The following SPIDR variants were observed in gnomAD, a reference collection of about 807,000 sequenced individuals.
SPIDR encodes scaffold protein involved in DNA repair.
Under a neutral mutation model 104.6 loss-of-function variants are expected in SPIDR, and 93 were observed. That is an observed-to-expected ratio of 0.89 (90% CI 0.75 to 1.06). SPIDR has a LOEUF of 1.06. Among genes scored for constraint, SPIDR ranks in the 50% least tolerant of loss-of-function variants. SPIDR has a pLI of 0.00. For missense variants in SPIDR, 1,154 were observed against 1,111.2 expected, an observed-to-expected ratio of 1.04 and a Z score of -0.55; for synonymous variants, 431 against 416.9, an observed-to-expected ratio of 1.03 and a Z score of -0.41.
At chr8:47,462,147 G>C (rs1319472170) in intron 8 of SPIDR, among the ~76,000 whole-genome samples, 1 of 152,110 alleles carries the variant, frequency 6.6e-6, no homozygotes, top group Non-Finnish European at 1.5e-5. Context: ...TAGGGATGTG[G>C]CTTCCTGAGA....
chr8:47,324,428 G>C (rs2047317525), intron 5 of SPIDR, among the ~76,000 whole-genome samples: 1 of 151,032 alleles, frequency 6.6e-6, no homozygotes, highest in African/African-American at 2.4e-5. Context: ...TAAATAAACA[G>C]CATCTTTAAC....
chr8:47,277,669 CTTTTTTTTTTT>C (rs1209041690), intron 1 of SPIDR, among the ~76,000 whole-genome samples: 1 of 110,506 alleles, frequency 9.0e-6, no homozygotes, highest in African/African-American at 3.5e-5. Flanking sequence ...TGTTTAACCT[CTTTTTTTTTTT>C]TTTTTTTTTT....
chr8:47,326,241 T>G (rs1554600305), intron 5 of SPIDR, among the ~76,000 whole-genome samples: 1 of 152,184 alleles, frequency 6.6e-6, no homozygotes. Context: ...TCTGAAATTC[T>G]TGAGCTCAAG....
rs1358701760 is a variant in SPIDR, at chr8:47,736,150, T to A, written c.*700T>A. ...CGGATATTTGCTTTGCTGGCAAAGA[T>A]TTAAACCAAGAATTAATTATCTTTG... On this transcript the variant is annotated 3_prime_UTR_variant, in exon 20 of 20. Transcript: ENST00000297423. The A allele has an allele frequency of 1.3e-5, 2 of 154,226 alleles. No homozygotes were observed. The highest frequency in any genetic ancestry group is 2.9e-5 in the Non-Finnish European group (2 of 69,310). 9.6% of individuals were successfully genotyped at this position (154,226 alleles called of 1,614,324 possible).
At chr8:47,520,262 G>T (rs1453689115) in intron 8 of SPIDR, among the ~76,000 whole-genome samples, 1 of 152,138 alleles carries the variant, frequency 6.6e-6, no homozygotes, top group African/African-American at 2.4e-5. Context: ...CTCATTAAAT[G>T]ATCCCCCAGC....
At position 47,263,216 on chromosome 8, in the gene SPIDR, C is replaced by A. The variant is rs529488809; in HGVS notation, c.33+2225C>A. Among the ~76,000 whole-genome samples the A allele has an allele frequency of 2.0e-5, 3 of 152,316 alleles. No individual in the cohort carries two copies. In the South Asian group the frequency reaches 6.2e-4, roughly 32 times the overall value. On this transcript the variant is annotated intron_variant, in intron 1 of 19. Coordinates refer to ENST00000297423, the MANE Select transcript of SPIDR (RefSeq NM_001080394.4). Reference sequence around the variant, plus strand: ...ACCTTGCTTTTGTTCAGGCTCTCAGCCTGTTATTCACAGCCTCCATAATAT... The same window carrying A: ...ACCTTGCTTTTGTTCAGGCTCTCAGACTGTTATTCACAGCCTCCATAATAT...
intron 10 of SPIDR, among the ~76,000 whole-genome samples, chr8:47,619,533 C>T (rs902691920): frequency 1.3e-5 from 2 of 152,192 alleles, no homozygotes; most frequent in South Asian, 4.2e-4. Flanking sequence ...CTGACGCTTC[C>T]TCTCAGGGTC....
At chr8:47,308,705 C>G (rs1554583004) in intron 5 of SPIDR, among the ~76,000 whole-genome samples, 1 of 152,194 alleles carries the variant, frequency 6.6e-6, no homozygotes, top group Non-Finnish European at 1.5e-5. Context: ...GTGTGTCCAC[C>G]TCTTTGTCCC....
intron 5 of SPIDR, among the ~76,000 whole-genome samples, chr8:47,395,196 A>G (rs910028994): frequency 1.3e-5 from 2 of 152,070 alleles, no homozygotes; most frequent in Non-Finnish European, 2.9e-5. Context: ...TAAATGTACA[A>G]AAATTAGCTG....
chr8:47,619,795 G>T (rs982337336), intron 10 of SPIDR, among the ~76,000 whole-genome samples: 8 of 151,648 alleles, frequency 5.3e-5, no homozygotes, highest in Admixed American at 2.6e-4. Flanking sequence ...TTCTCCTCTG[G>T]CTCTTTAATG....
At chr8:47,493,553 A>T (rs971234441) in intron 8 of SPIDR, among the ~76,000 whole-genome samples, 1 of 152,176 alleles carries the variant, frequency 6.6e-6, no homozygotes, top group African/African-American at 2.4e-5. Context: ...TTTCAGTAAC[A>T]CCCTGAAAGA....
intron 10 of SPIDR, among the ~76,000 whole-genome samples, chr8:47,641,957 G>A (rs1223417007): frequency 6.6e-6 from 1 of 152,238 alleles, no homozygotes; most frequent in Non-Finnish European, 1.5e-5. Flanking sequence ...GGGACTCACA[G>A]TGGCAGCAGA....
At position 47,386,923 on chromosome 8, in the gene SPIDR, A is replaced by T. The variant is rs1348143788; in HGVS notation, c.526-9453A>T. On this transcript the variant is annotated intron_variant, in intron 5 of 19. Coordinates refer to ENST00000297423, the MANE Select transcript of SPIDR (RefSeq NM_001080394.4). ...GAGAGAGATATAGATATAGATATAG[A>T]TATAGATATAGATATAGATATAGAT... Among the ~76,000 whole-genome samples, 2 of 140,956 alleles carry T rather than the reference A, an allele frequency of 1.4e-5. 1 individual carries two copies. The highest frequency in any genetic ancestry group is 3.0e-5 in the Non-Finnish European group (2 of 66,638). The allele number at this position is 140,956 out of a possible 152,430, so 92.5% of individuals were successfully genotyped here.
intron 8 of SPIDR, among the ~76,000 whole-genome samples, chr8:47,521,056 T>G (rs2083985764): frequency 6.6e-6 from 1 of 152,208 alleles, no homozygotes; most frequent in Non-Finnish European, 1.5e-5. Context: ...TGTACCATTT[T>G]GAGAATGAAT....
chr8:47,390,624 G>A (rs1485881497), intron 5 of SPIDR, among the ~76,000 whole-genome samples: 7 of 148,336 alleles, frequency 4.7e-5, no homozygotes, highest in African/African-American at 1.2e-4. Context: ...AACTTGCATC[G>A]TGTTAAAATT....
chr8:47,632,968 C>G (rs2067298859), intron 10 of SPIDR, among the ~76,000 whole-genome samples: 1 of 152,204 alleles, frequency 6.6e-6, no homozygotes. Context: ...CACCTTCAAG[C>G]CAACAAGGGC....
intron 8 of SPIDR, among the ~76,000 whole-genome samples, chr8:47,588,374 G>T (rs2060562008): frequency 6.7e-6 from 1 of 148,188 alleles, no homozygotes; most frequent in African/African-American, 2.5e-5. Flanking sequence ...TCCCATTTTG[G>T]TGTCCATGAA....
At chr8:47,560,318 G>A (rs1431514600) in intron 8 of SPIDR, among the ~76,000 whole-genome samples, 2 of 152,210 alleles carry the variant, frequency 1.3e-5, no homozygotes, top group African/African-American at 4.8e-5. Context: ...CCACTGTACA[G>A]ATTCTTGGGC....
chr8:47,653,881 T>G, intron 10 of SPIDR: 1 of 780,410 alleles, frequency 1.3e-6, no homozygotes, highest in South Asian at 5.8e-5. Context: ...AAACCACTTT[T>G]AATGCAAAGG....
Sources: gnomAD v4.1 joint callset for allele counts (sites outside exome capture counted in the v4.1 genomes callset) on GRCh38, gnomAD v4.1.1 for gene constraint, MANE v1.5 for transcripts, NCBI Gene and HGNC (gene_info 2026-07-23, HGNC 2026-07-21) for gene names.